Variants in CMC1 observed in about 807,000 individuals in gnomAD.
The protein encoded by CMC1 is COX assembly mitochondrial protein homolog.
In CMC1, 14 loss-of-function variants were observed where a neutral mutation model predicts 14.1. That is an observed-to-expected ratio of 0.99 (90% CI 0.66 to 1.55). CMC1 has a LOEUF of 1.55. Among genes scored for constraint, CMC1 ranks in the 40% most tolerant of loss-of-function variants. CMC1 has a pLI of 0.00. For missense variants in CMC1, 127 were observed against 123.8 expected, an observed-to-expected ratio of 1.03 and a Z score of -0.12; for synonymous variants, 50 against 38.4, an observed-to-expected ratio of 1.30 and a Z score of -1.12.
In CMC1 at chr3:28,325,057, T is replaced by C. The variant is rs1433142962; in HGVS notation, c.*5428T>C. 1 of 150,160 alleles carries C rather than the reference T, an allele frequency of 6.7e-6. No individual in the cohort carries two copies. Among genetic ancestry groups the C allele is most frequent in the African/African-American group, 2.4e-5 (1 of 41,044 alleles). The allele number at this position is 150,160 out of a possible 1,614,324, so 9.3% of individuals were successfully genotyped here. A position where few individuals can be genotyped will look rare whatever the true frequency, so the allele number is the denominator to read the frequency against. On this transcript the variant is annotated 3_prime_UTR_variant, in exon 4 of 4. Transcript: ENST00000466830. The stretch of plus-strand genomic sequence containing the variant: ...ATGGATAAAGCAGTTTAAATAAAAT[T>C]TGTGAAATCTTGTTTCTTGTAAAAC...
chr3:28,282,137 C>T (rs143286954), intron 2 of CMC1, among the ~76,000 whole-genome samples: 2 of 152,110 alleles, frequency 1.3e-5, no homozygotes, highest in African/African-American at 4.8e-5. Context: ...ATACTTCATA[C>T]AAATAAAACG....
intron 3 of CMC1, chr3:28,318,979 C>T: frequency 1.3e-5 from 3 of 223,446 alleles, no homozygotes; most frequent in East Asian, 1.3e-4. Context: ...TTGCCCATTC[C>T]ATCTTCATTT....
chr3:28,283,262 C>T (rs1700988095), intron 2 of CMC1, among the ~76,000 whole-genome samples: 1 of 151,940 alleles, frequency 6.6e-6, no homozygotes, highest in Non-Finnish European at 1.5e-5. Flanking sequence ...GCCTGTAATC[C>T]CAGCACTTTG....
At chr3:28,273,587 G>A (rs141023962) in intron 2 of CMC1, among the ~76,000 whole-genome samples, 326 of 152,256 alleles carry the variant, frequency 2.1e-3, no homozygotes, top group African/African-American at 7.0e-3. Flanking sequence ...TTGATTTGGG[G>A]TGGAGATTTC....
intron 2 of CMC1, among the ~76,000 whole-genome samples, chr3:28,297,887 TACAC>T (rs932514846): frequency 2.6e-5 from 4 of 151,974 alleles, no homozygotes; most frequent in African/African-American, 9.6e-5. Context: ...TGTATTTGTA[TACAC>T]ACACATTATG....
intron 2 of CMC1, among the ~76,000 whole-genome samples, chr3:28,308,166 G>C (rs755864382): frequency 3.3e-5 from 5 of 151,908 alleles, no homozygotes; most frequent in Admixed American, 6.6e-5. Flanking sequence ...ATATTCATGG[G>C]TTTCAGAGAT....
intron 2 of CMC1, among the ~76,000 whole-genome samples, chr3:28,288,699 C>G (rs1262448140): frequency 1.3e-5 from 2 of 151,910 alleles, no homozygotes; most frequent in East Asian, 3.9e-4. Flanking sequence ...TGCTTCATTG[C>G]AAATGTAGCT....
chr3:28,310,100 C>G (rs895837435), intron 2 of CMC1, among the ~76,000 whole-genome samples: 7 of 152,188 alleles, frequency 4.6e-5, no homozygotes, highest in Admixed American at 2.0e-4. Flanking sequence ...TGTTCCCTCT[C>G]TTCATTTGCT....
intron 2 of CMC1, among the ~76,000 whole-genome samples, chr3:28,276,358 T>G (rs1577028473): frequency 6.6e-6 from 1 of 152,312 alleles, no homozygotes; most frequent in African/African-American, 2.4e-5. Flanking sequence ...CAAGGTATAA[T>G]TGTGTAAAAT....
Position 28,242,782 on chromosome 3 carries a change from A to T in CMC1, c.19+970A>T, listed in dbSNP as rs570179108. Among the ~76,000 whole-genome samples the T allele has an allele frequency of 2.0e-5, 3 of 152,302 alleles. No individual in the cohort carries two copies. The South Asian group carries it at 6.2e-4, about 32-fold the overall frequency. On this transcript the variant is annotated intron_variant, in intron 1 of 3. Transcript: ENST00000466830. ...CAGGGAGTACTCTAATTTGAAGCAT[A>T]GAGGAGTTCTGGAACATAATGATCA...
At chr3:28,312,995 T>C (rs1702714913) in intron 2 of CMC1, among the ~76,000 whole-genome samples, 1 of 152,124 alleles carries the variant, frequency 6.6e-6, no homozygotes, top group Non-Finnish European at 1.5e-5. Context: ...TAGCTGGGAT[T>C]ACAGGCGCCT....
chr3:28,285,892 G>T (rs545558698), intron 2 of CMC1, among the ~76,000 whole-genome samples: 1 of 151,404 alleles, frequency 6.6e-6, no homozygotes, highest in Non-Finnish European at 1.5e-5. Flanking sequence ...TCAGCCTCCC[G>T]AGTAGCTGGG....
intron 2 of CMC1, among the ~76,000 whole-genome samples, chr3:28,272,607 C>T (rs1481535444): frequency 6.6e-6 from 1 of 152,118 alleles, no homozygotes; most frequent in Non-Finnish European, 1.5e-5. Flanking sequence ...TGATGTGCTG[C>T]TGGATTTGGT....
chr3:28,274,768 CTTTTTACA>C (rs1204202329), intron 2 of CMC1, among the ~76,000 whole-genome samples: 1 of 151,608 alleles, frequency 6.6e-6, no homozygotes, highest in East Asian at 1.9e-4. Flanking sequence ...TAGGTTTGGT[CTTTTTACA>C]TAATCCCATA....
At chr3:28,254,629 T>G (rs187834984) in intron 1 of CMC1, among the ~76,000 whole-genome samples, 2 of 152,158 alleles carry the variant, frequency 1.3e-5, no homozygotes, top group African/African-American at 4.8e-5. Flanking sequence ...ATATTACACA[T>G]CTATGTCTGT....
chr3:28,247,060 A>G (rs1698865862), intron 1 of CMC1, among the ~76,000 whole-genome samples: 1 of 152,096 alleles, frequency 6.6e-6, no homozygotes, highest in Admixed American at 6.6e-5. Context: ...AAATTTCCCC[A>G]GATTTGGCCA....
In CMC1 at chr3:28,322,427, TATCTC is replaced by T. The variant is rs973673252; in HGVS notation, c.*2801_*2805del. On this transcript the variant is annotated 3_prime_UTR_variant, in exon 4 of 4. Coordinates refer to ENST00000466830, the MANE Select transcript of CMC1 (RefSeq NM_182523.2). ...TTGTTCAAAACATTAATCAAGCAATTATCTCATAAGACTTTTTTTCTTTACAAAGG... is the reference window on the plus strand; with the variant it reads ...TTGTTCAAAACATTAATCAAGCAATTATAAGACTTTTTTTCTTTACAAAGG... The T allele has an allele frequency of 4.6e-5, 7 of 151,814 alleles. No homozygotes were observed. The highest frequency in any genetic ancestry group is 1.4e-4 in the African/African-American group (6 of 41,454). The allele number at this position is 151,814 out of a possible 1,614,324, so 9.4% of individuals were successfully genotyped here.
intron 2 of CMC1, among the ~76,000 whole-genome samples, chr3:28,274,129 A>G (rs1422541698): frequency 2.0e-5 from 3 of 150,944 alleles, no homozygotes; most frequent in Admixed American, 6.6e-5. Flanking sequence ...TGGTCCTGCC[A>G]TCATGATGCT....
chr3:28,289,988 G>A (rs190661570), intron 2 of CMC1, among the ~76,000 whole-genome samples: 1 of 152,086 alleles, frequency 6.6e-6, no homozygotes, highest in Admixed American at 6.6e-5. Context: ...TTGATAAAAG[G>A]TTACTTGCCT....
Sources: gnomAD v4.1 joint callset for allele counts (sites outside exome capture counted in the v4.1 genomes callset) on GRCh38, gnomAD v4.1.1 for gene constraint, MANE v1.5 for transcripts, NCBI Gene and HGNC (gene_info 2026-07-23, HGNC 2026-07-21) for gene names.